The following SEPTIN10 variants were observed in gnomAD, a reference collection of about 807,000 sequenced individuals.
The protein encoded by SEPTIN10 is septin-10.
A neutral mutation model predicts 54.8 loss-of-function variants in SEPTIN10; 66 were observed. That is an observed-to-expected ratio of 1.21 (90% CI 0.99 to 1.48). The LOEUF is 1.48. Among genes scored for constraint, SEPTIN10 ranks in the 40% most tolerant of loss-of-function variants. The pLI is 0.00. For synonymous variants in SEPTIN10, 161 were observed against 181.0 expected (o/e 0.89, Z 0.89); for missense variants, 620 against 545.6 (o/e 1.14, Z -1.36).
chr2:109,588,557 G>T (rs1693140791), intron 2 of SEPTIN10, among the ~76,000 whole-genome samples: 1 of 152,114 alleles, frequency 6.6e-6, no homozygotes, highest in South Asian at 2.1e-4. Flanking sequence ...GAAGTGGTAT[G>T]ATCTTGGCTC....
In SEPTIN10 at chr2:109,613,945, C is replaced by T; in HGVS notation, c.-118G>A. ...GCAACGGGCGGGGCGCGAGGCTAGG[C>T]TGCCTCCGCGACGGGGAAGGGACAG... On this transcript the variant is annotated 5_prime_UTR_variant, in exon 1 of 11. Coordinates refer to ENST00000397712, the MANE Select transcript of SEPTIN10 (RefSeq NM_144710.5). 8.3e-7 allele frequency: 1 copy of T among 1,198,868 alleles called. No homozygotes were observed. The highest frequency in any genetic ancestry group is 1.6e-5 in the African/African-American group (1 of 63,338). The allele number at this position is 1,198,868 out of a possible 1,614,324, so 74.3% of individuals were successfully genotyped here.
At chr2:109,584,474 C>CAAA (rs71958517) in intron 4 of SEPTIN10, among the ~76,000 whole-genome samples, 1,440 of 71,472 alleles carry the variant, frequency 0.02, 82 homozygotes, top group African/African-American at 0.069. Flanking sequence ...GACTCTGTCT[C>CAAA]AAAAAAAAAA....
intron 2 of SEPTIN10, among the ~76,000 whole-genome samples, chr2:109,591,678 C>G (rs868612141): frequency 9.1e-4 from 138 of 152,274 alleles, no homozygotes; most frequent in African/African-American, 3.3e-3. Context: ...AGATGGATCA[C>G]TTGAGGCCAG....
chr2:109,605,295 C>T (rs902984184), intron 1 of SEPTIN10: 4 of 152,116 alleles, frequency 2.6e-5, no homozygotes, highest in Admixed American at 6.6e-5. Context: ...CATGGTGAAA[C>T]TCTGTCTCTA....
At chr2:109,583,681 G>T (rs1232925734) in intron 4 of SEPTIN10, among the ~76,000 whole-genome samples, 1 of 152,036 alleles carries the variant, frequency 6.6e-6, no homozygotes, top group African/African-American at 2.4e-5. Context: ...AAAGACACAT[G>T]TACTCATATG....
chr2:109,545,782 C>A lies in SEPTIN10; in HGVS notation c.1349+268G>T, dbSNP rs115494128. The A allele has an allele frequency of 1.0e-3, 1,465 of 1,426,656 alleles. 17 individuals are homozygous for A. In the African/African-American group the frequency reaches 0.017, roughly 17 times the overall value. The allele number at this position is 1,426,656 out of a possible 1,614,324, so 88.4% of individuals were successfully genotyped here. A position where few individuals can be genotyped will look rare whatever the true frequency, so the allele number is the denominator to read the frequency against. On this transcript the variant is annotated intron_variant, in intron 10 of 10. Transcript: ENST00000397712. ...AGCCATTTTCCCCCAGCTAACTGAT[C>A]CTTTTCACACTGTGATGTATTTTTA...
At chr2:109,561,065 C>T (rs891242742) in intron 8 of SEPTIN10, among the ~76,000 whole-genome samples, 2 of 150,694 alleles carry the variant, frequency 1.3e-5, no homozygotes, top group South Asian at 2.1e-4. Context: ...AATAGCGTTG[C>T]CTTCCCCTTA....
intron 5 of SEPTIN10, among the ~76,000 whole-genome samples, chr2:109,571,930 T>C (rs963424593): frequency 4.6e-5 from 7 of 152,188 alleles, no homozygotes; most frequent in African/African-American, 1.4e-4. Context: ...TCAAAGGTGG[T>C]TGGGTTGGCC....
At position 109,545,649 on chromosome 2, in the gene SEPTIN10, C is replaced by T. The variant is rs184921327; in HGVS notation, c.1349+401G>A. ...AATACTATCTTATGTCTATAATTCCCCAACAAAGGGCACAGCTTTATTTAG... is the reference window on the plus strand; with the variant it reads ...AATACTATCTTATGTCTATAATTCCTCAACAAAGGGCACAGCTTTATTTAG... On this transcript the variant is annotated intron_variant, in intron 10 of 10. Transcript: ENST00000397712. 6.6e-4 allele frequency: 982 copies of T among 1,498,222 alleles called. 6 individuals are homozygous for T. In the East Asian group the frequency reaches 9.4e-3, roughly 14 times the overall value. The allele number at this position is 1,498,222 out of a possible 1,614,324, so 92.8% of individuals were successfully genotyped here. A position where few individuals can be genotyped will look rare whatever the true frequency, so the allele number is the denominator to read the frequency against.
intron 9 of SEPTIN10, among the ~76,000 whole-genome samples, chr2:109,546,877 AATAAAG>A (rs1673894568): frequency 6.6e-6 from 1 of 152,314 alleles, no homozygotes; most frequent in African/African-American, 2.4e-5. Flanking sequence ...CTACATAGCC[AATAAAG>A]ATAAAGAATA....
chr2:109,568,660 A>C (rs892215509), intron 5 of SEPTIN10, among the ~76,000 whole-genome samples: 1 of 51,658 alleles, frequency 1.9e-5, no homozygotes, highest in Admixed American at 2.3e-4. Context: ...GATAAAAGGT[A>C]AACTGAATTG....
chr2:109,596,796 T>C (rs912288449), intron 1 of SEPTIN10, among the ~76,000 whole-genome samples: 2 of 152,192 alleles, frequency 1.3e-5, no homozygotes, highest in African/African-American at 4.8e-5. Flanking sequence ...TCTCAGTGGA[T>C]AAATGTTTTG....
chr2:109,584,708 C>T (rs754472919), intron 4 of SEPTIN10, among the ~76,000 whole-genome samples: 17 of 152,114 alleles, frequency 1.1e-4, no homozygotes, highest in Non-Finnish European at 8.8e-5. Flanking sequence ...AATAATGTAA[C>T]TGGCTAATTT....
At chr2:109,597,281 G>C (rs931966440) in intron 1 of SEPTIN10, among the ~76,000 whole-genome samples, 6 of 152,238 alleles carry the variant, frequency 3.9e-5, no homozygotes, top group Admixed American at 3.9e-4. Context: ...AGTAATAATA[G>C]GACAAGAGTT....
At chr2:109,545,621 T>C (rs1680992027) in intron 10 of SEPTIN10, 5 of 1,528,146 alleles carry the variant, frequency 3.3e-6, no homozygotes, top group Non-Finnish European at 4.4e-6. Flanking sequence ...ATTAATTCAA[T>C]AAAATACTAT....
intron 9 of SEPTIN10, among the ~76,000 whole-genome samples, chr2:109,550,981 T>C (rs1049287083): frequency 6.6e-6 from 1 of 152,222 alleles, no homozygotes; most frequent in African/African-American, 2.4e-5. Flanking sequence ...ATAATAATGA[T>C]GGTCATGTAA....
At chr2:109,559,274 T>A (rs1685084245) in intron 8 of SEPTIN10, among the ~76,000 whole-genome samples, 1 of 152,210 alleles carries the variant, frequency 6.6e-6, no homozygotes, top group South Asian at 2.1e-4. Context: ...AATCATTTAA[T>A]CACATATGAC....
chr2:109,544,247 C>A lies in SEPTIN10; in HGVS notation c.*62G>T. 5 of 1,612,488 alleles carry A rather than the reference C, an allele frequency of 3.1e-6. No homozygotes were observed. The highest frequency in any genetic ancestry group is 3.4e-6 in the Non-Finnish European group (4 of 1,179,530). On this transcript the variant is annotated 3_prime_UTR_variant, in exon 11 of 11. Coordinates refer to ENST00000397712, the MANE Select transcript of SEPTIN10 (RefSeq NM_144710.5). Reference sequence around the variant, plus strand: ...ATAACAGCAAAATCAAAGCACACTTCTAGTTTTTTTTTAATAAAGTTTGCT... The same window carrying A: ...ATAACAGCAAAATCAAAGCACACTTATAGTTTTTTTTTAATAAAGTTTGCT...
At chr2:109,583,499 C>T (rs1691705881) in intron 4 of SEPTIN10, among the ~76,000 whole-genome samples, 2 of 152,008 alleles carry the variant, frequency 1.3e-5, no homozygotes, top group Admixed American at 6.6e-5. Context: ...CAGATACTGG[C>T]GGGGCTGTAG....
Sources: allele counts gnomAD v4.1 joint callset (sites outside exome capture counted in the v4.1 genomes callset), GRCh38; gene constraint gnomAD v4.1.1; transcripts MANE v1.5; gene names NCBI Gene and HGNC (gene_info 2026-07-23, HGNC 2026-07-21).